RYR3: variants seen among roughly 807,000 people sequenced by gnomAD.
RYR3 encodes the protein brain ryanodine receptor-calcium release channel.
RYR3 carries 207 observed loss-of-function variants against 584.3 expected under a neutral mutation model. That is an observed-to-expected ratio of 0.35 (90% CI 0.32 to 0.40). The LOEUF (loss-of-function observed/expected upper bound fraction) is 0.40, where lower values mean the gene tolerates loss of function less well. Ranked by LOEUF, RYR3 falls within the 10% of genes least tolerant of loss-of-function variation. The probability of loss-of-function intolerance (pLI) is 1.00; values close to 1 mark genes in which losing one functional copy is unlikely to be tolerated. For synonymous variants in RYR3, 2,416 were observed against 2,248.5 expected (o/e 1.07, Z -2.11); for missense variants, 5,616 against 6,089.2 (o/e 0.92, Z 2.59).
chr15:33,725,795 TAAA>T (rs3086219), intron 45 of RYR3, among the ~76,000 whole-genome samples: 1 of 130,482 alleles, frequency 7.7e-6, no homozygotes, highest in African/African-American at 2.9e-5. Context: ...CCGTCTCTAC[TAAA>T]AAAAAAAAAA....
intron 10 of RYR3, among the ~76,000 whole-genome samples, chr15:33,558,248 C>G (rs1281121663): frequency 6.7e-6 from 1 of 149,608 alleles, no homozygotes; most frequent in Non-Finnish European, 1.5e-5. Flanking sequence ...CCTCCCCCAT[C>G]CCCCCACCCC....
intron 19 of RYR3, among the ~76,000 whole-genome samples, chr15:33,615,436 G>A (rs549487361): frequency 1.3e-5 from 2 of 152,270 alleles, no homozygotes; most frequent in African/African-American, 4.8e-5. Flanking sequence ...TATGCGAATG[G>A]TACTCAACCT....
chr15:33,330,399 C>G (rs1970240836), intron 1 of RYR3, among the ~76,000 whole-genome samples: 1 of 152,076 alleles, frequency 6.6e-6, no homozygotes, highest in Non-Finnish European at 1.5e-5. Context: ...GCCATCATGC[C>G]ATTTTTTGCC....
At position 33,864,160 on chromosome 15, in the gene RYR3, A is replaced by G; in HGVS notation, c.14488A>G (p.Asn4830Asp). The G allele has an allele frequency of 6.2e-7, 1 of 1,612,116 alleles. No individual in the cohort carries two copies. Among genetic ancestry groups the G allele is most frequent in the Non-Finnish European group, 8.5e-7 (1 of 1,178,778 alleles). ...CAGGTTCTTTCTGATGTATTTGATT[A>G]ATAAAGATGAAACAGAGCACACGGG... is the stretch of plus-strand genomic sequence containing the variant. ...NYLFFLMYLI[N>D]KDETEHTGQE... is the part of the protein sequence containing the mutation. Residue 4830 changes from asparagine to aspartate, a missense_variant, in exon 103 of 104, where the codon AAT (asparagine) becomes GAT (aspartate). Asn to Asp is a conservative substitution (Grantham distance 23). Coordinates refer to ENST00000634891, the MANE Select transcript of RYR3 (RefSeq NM_001036.6).
chr15:33,839,563 A>G (rs566869151), intron 89 of RYR3: 7 of 152,558 alleles, frequency 4.6e-5, no homozygotes, highest in Non-Finnish European at 5.9e-5. Context: ...GTGTCATTCT[A>G]GCATCAAAGA....
intron 8 of RYR3, among the ~76,000 whole-genome samples, chr15:33,546,244 C>G (rs2056227475): frequency 6.6e-6 from 1 of 152,164 alleles, no homozygotes; most frequent in Non-Finnish European, 1.5e-5. Flanking sequence ...GCTGTTTCAC[C>G]TGTGACCTGG....
At position 33,835,719 on chromosome 15, in the gene RYR3, C is replaced by G. The variant is rs529271839; in HGVS notation, c.11568+647C>G. ...AAATTTTCAAGGCTGTCACATCTGC[C>G]TCCTCTCTTCTGGAATGTGCTATTT... On this transcript the variant is annotated intron_variant, in intron 87 of 103. Transcript: ENST00000634891. Among the ~76,000 whole-genome samples, 3 of 152,320 alleles carry G rather than the reference C, an allele frequency of 2.0e-5. No individual in the cohort carries two copies. The East Asian group carries it at 5.8e-4, about 29-fold the overall frequency.
chr15:33,498,864 G>A (rs2051684668), intron 2 of RYR3, among the ~76,000 whole-genome samples: 1 of 152,088 alleles, frequency 6.6e-6, no homozygotes, highest in African/African-American at 2.4e-5. Flanking sequence ...TATGGTGTGT[G>A]TGGGGTATTG....
At chr15:33,613,503 T>C (rs1415250289) in intron 19 of RYR3, 128 bp downstream of exon 19, 17 of 980,474 alleles carry the variant, frequency 1.7e-5, no homozygotes, top group Non-Finnish European at 1.8e-5. Flanking sequence ...AGGACAGTGA[T>C]GGTGCAAGGG....
At chr15:33,771,279 TAA>T (rs1251881545) in intron 62 of RYR3, among the ~76,000 whole-genome samples, 1 of 152,246 alleles carries the variant, frequency 6.6e-6, no homozygotes, top group Non-Finnish European at 1.5e-5. Flanking sequence ...CTCACGCCTG[TAA>T]TCCCAGCACT....
In RYR3 at chr15:33,714,167, G is replaced by C. The variant is rs568431853; in HGVS notation, c.6619+7113G>C. On this transcript the variant is annotated intron_variant, in intron 43 of 103. Coordinates refer to ENST00000634891, the MANE Select transcript of RYR3 (RefSeq NM_001036.6). ...AACCATTGTGCACTGTTGTCTTCCT[G>C]TCTCCCTAATCAACAAGGAGAAACA... Among the ~76,000 whole-genome samples, 289 of 152,188 alleles carry C rather than the reference G, an allele frequency of 1.9e-3. 2 individuals are homozygous for C. The highest frequency in any genetic ancestry group is 6.8e-3 in the African/African-American group (283 of 41,518).
At chr15:33,375,412 T>C (rs1314978130) in intron 1 of RYR3, among the ~76,000 whole-genome samples, 2 of 152,072 alleles carry the variant, frequency 1.3e-5, no homozygotes, top group Admixed American at 1.3e-4. Flanking sequence ...CGGGGAGAGA[T>C]ATGGGGAGGA....
At chr15:33,358,317 GC>G (rs1274307219) in intron 1 of RYR3, among the ~76,000 whole-genome samples, 1 of 152,212 alleles carries the variant, frequency 6.6e-6, no homozygotes, top group Non-Finnish European at 1.5e-5. Context: ...AGGCACTGCT[GC>G]CCATCTGGAA....
chr15:33,462,081 A>G (rs2048084233), intron 1 of RYR3, among the ~76,000 whole-genome samples: 1 of 152,220 alleles, frequency 6.6e-6, no homozygotes, highest in African/African-American at 2.4e-5. Flanking sequence ...TATATGTTCC[A>G]TTAAATTTTG....
At chr15:33,434,088 G>T (rs1420922127) in intron 1 of RYR3, among the ~76,000 whole-genome samples, 1 of 152,162 alleles carries the variant, frequency 6.6e-6, no homozygotes, top group African/African-American at 2.4e-5. Flanking sequence ...TTGACATTTT[G>T]TTGGGATGTT....
rs537163581 is a variant in RYR3 at position 33,313,429 on chromosome 15, T to C, written c.51+2333T>C. ...AGCTTTCTGAGCTTGGCATCCTCCT[T>C]CTTCATCTGTGAATTCGACAAAATG... On this transcript the variant is annotated intron_variant, in intron 1 of 103. Transcript: ENST00000634891. Among the ~76,000 whole-genome samples the C allele has an allele frequency of 2.6e-5, 4 of 152,352 alleles. No homozygotes were observed. In the East Asian group the frequency reaches 7.7e-4, roughly 29 times the overall value.
chr15:33,802,164 A>G, intron 69 of RYR3: 1 of 717,942 alleles, frequency 1.4e-6, no homozygotes. Flanking sequence ...TTATGAATAA[A>G]TAGCTGCTTG....
intron 1 of RYR3, among the ~76,000 whole-genome samples, chr15:33,441,371 T>G (rs1196808153): frequency 6.6e-6 from 1 of 152,244 alleles, no homozygotes; most frequent in African/African-American, 2.4e-5. Flanking sequence ...AATGCCTGTA[T>G]AGCACATATA....
chr15:33,628,213 C>G (rs2033134637), intron 20 of RYR3, among the ~76,000 whole-genome samples: 1 of 152,092 alleles, frequency 6.6e-6, no homozygotes, highest in Admixed American at 6.6e-5. Context: ...GGCAAGTATT[C>G]ACATGTGAAG....
Sources: gnomAD v4.1 joint callset for allele counts (sites outside exome capture counted in the v4.1 genomes callset) on GRCh38, gnomAD v4.1.1 for gene constraint, MANE v1.5 for transcripts, NCBI Gene and HGNC (gene_info 2026-07-23, HGNC 2026-07-21) for gene names.